Variants in DNAJC13 observed in about 807,000 individuals in gnomAD.
DNAJC13 encodes dnaJ homolog subfamily C member 13.
In DNAJC13, 75 loss-of-function variants were observed where a neutral mutation model predicts 290.5. The observed-to-expected ratio is 0.26, with a 90% confidence interval of 0.21 to 0.31. DNAJC13 has a LOEUF of 0.31. DNAJC13 is among the 10% of genes least tolerant of loss of function. DNAJC13 has a pLI of 1.00. For synonymous variants in DNAJC13, 862 were observed against 892.0 expected (o/e 0.97, Z 0.60); for missense variants, 2,260 against 2,674.5 (o/e 0.85, Z 3.42).
At position 132,446,670 on chromosome 3, in the gene DNAJC13, G is replaced by A. The variant is rs373288688; in HGVS notation, c.144+120G>A. 9.7e-5 allele frequency: 60 copies of A among 619,354 alleles called. No individual in the cohort carries two copies. The East Asian group carries it at 1.0e-3, about 11-fold the overall frequency. The allele number at this position is 619,354 out of a possible 1,614,324, so 38.4% of individuals were successfully genotyped here. ...GAAGATAGAAATGTCAAATCAGAAA[G>A]AGATTGATGTGCTTACATAATACTC... On this transcript the variant is annotated intron_variant, in intron 3 of 55. Transcript: ENST00000260818.
rs1934037043 is a variant in DNAJC13 at position 132,467,497 on chromosome 3, G to GC, written c.2208+185dup. Among the ~76,000 whole-genome samples the GC allele has an allele frequency of 3.9e-5, 6 of 152,140 alleles. No homozygotes were observed. The South Asian group carries it at 1.2e-3, about 32-fold the overall frequency. Reference sequence around the variant, plus strand: ...TTTATTTATTTTGAGACAGAGCCTTGCTCTGTTGCACAGGCTGGAGTGCAG... The same window carrying GC: ...TTTATTTATTTTGAGACAGAGCCTTGCCTCTGTTGCACAGGCTGGAGTGCAG... On this transcript the variant is annotated intron_variant, in intron 20 of 55. Transcript: ENST00000260818.
intron 51 of DNAJC13, among the ~76,000 whole-genome samples, chr3:132,524,441 C>T (rs1235047248): frequency 6.6e-6 from 1 of 152,210 alleles, no homozygotes; most frequent in Non-Finnish European, 1.5e-5. Flanking sequence ...GGCAGTACCT[C>T]ATGACTCTGC....
chr3:132,420,621 G>A, intron 1 of DNAJC13, among the ~76,000 whole-genome samples: 1 of 151,980 alleles, frequency 6.6e-6, no homozygotes, highest in Middle Eastern at 3.2e-3. Flanking sequence ...ACTAGGAAAG[G>A]AACAAGATTA....
intron 1 of DNAJC13, among the ~76,000 whole-genome samples, chr3:132,423,274 G>A (rs1183380532): frequency 6.6e-6 from 1 of 152,164 alleles, no homozygotes; most frequent in Non-Finnish European, 1.5e-5. Flanking sequence ...GGAAGACCCT[G>A]TCTCTTAAAA....
At chr3:132,486,327 A>G (rs1357995357) in intron 29 of DNAJC13, among the ~76,000 whole-genome samples, 2 of 152,058 alleles carry the variant, frequency 1.3e-5, no homozygotes, top group African/African-American at 4.8e-5. Flanking sequence ...CAACATGTGG[A>G]TAAAACACCA....
At chr3:132,507,112 A>G (rs1244415525) in intron 42 of DNAJC13, 125 bp from the exon 43 acceptor site, 6 of 592,544 alleles carry the variant, frequency 1.0e-5, no homozygotes, top group South Asian at 5.0e-5. Context: ...GTGCTGTGAC[A>G]TGTATCACAC....
chr3:132,467,225 C>G lies in DNAJC13; in HGVS notation c.2120C>G (p.Ala707Gly). ...VPEWQRLAGK[A>G]AKEVEKFAKE... is the part of the protein sequence containing the mutation. ...GAGTGGCAAAGACTAGCTGGAAAAG[C>G]TGCTAAAGAAGTTGAAAAATTTGCC... Residue 707 changes from alanine (A) to glycine (G), a missense_variant, in exon 20 of 56, where the codon GCT (alanine) becomes GGT (glycine). Ala to Gly is a moderately conservative substitution (Grantham distance 60). Around this residue, in one of 3 missense-constraint regions of DNAJC13, gnomAD observed 762 missense variants for 964.1 expected, o/e 0.79. Transcript: ENST00000260818. The G allele has an allele frequency of 6.2e-7, 1 of 1,613,706 alleles. No homozygotes were observed. The highest frequency in any genetic ancestry group is 1.3e-5 in the African/African-American group (1 of 74,992).
At chr3:132,530,112 C>G (rs528320459) in intron 54 of DNAJC13, among the ~76,000 whole-genome samples, 1 of 152,322 alleles carries the variant, frequency 6.6e-6, no homozygotes, top group East Asian at 1.9e-4. Context: ...TACAACTAAT[C>G]ACTTCCACTA....
chr3:132,442,057 C>T (rs1167646628), intron 2 of DNAJC13, among the ~76,000 whole-genome samples: 2 of 146,740 alleles, frequency 1.4e-5, no homozygotes, highest in Admixed American at 6.8e-5. Context: ...TTATAAAATA[C>T]CTTATGTAAA....
chr3:132,478,178 G>A, intron 24 of DNAJC13, 38 bp downstream of exon 24: 1 of 1,528,024 alleles, frequency 6.5e-7, no homozygotes, highest in East Asian at 2.3e-5. Flanking sequence ...ATTTGATAGT[G>A]TCACTAGGGT....
intron 50 of DNAJC13, 119 bp downstream of exon 50, chr3:132,523,318 C>T (rs1488237836): frequency 1.5e-6 from 2 of 1,291,904 alleles, no homozygotes; most frequent in Non-Finnish European, 2.2e-6. Context: ...TGGGTATTCC[C>T]CTGGAAAATA....
At chr3:132,488,183 G>A in intron 29 of DNAJC13, 115 bp from the exon 30 acceptor site, 1 of 922,604 alleles carries the variant, frequency 1.1e-6, no homozygotes, top group Non-Finnish European at 1.5e-6. Context: ...ACTCCCATGG[G>A]TTTTTATTTT....
At chr3:132,433,826 AAC>A (rs1456514137) in intron 1 of DNAJC13, among the ~76,000 whole-genome samples, 3 of 152,236 alleles carry the variant, frequency 2.0e-5, no homozygotes, top group Admixed American at 6.5e-5. Flanking sequence ...GTCCTCAAGA[AAC>A]ACAGTCCAGT....
At chr3:132,529,026 C>T (rs147794184) in intron 54 of DNAJC13, among the ~76,000 whole-genome samples, 4 of 152,164 alleles carry the variant, frequency 2.6e-5, no homozygotes, top group Admixed American at 2.6e-4. Flanking sequence ...GCATTTAGGA[C>T]ATTAACAGTG....
chr3:132,438,368 T>A (rs1192367098), intron 2 of DNAJC13, among the ~76,000 whole-genome samples: 1 of 152,206 alleles, frequency 6.6e-6, no homozygotes, highest in Admixed American at 6.5e-5. Context: ...CCAATTCTAA[T>A]CTAGGTTTAA....
intron 2 of DNAJC13, among the ~76,000 whole-genome samples, chr3:132,439,290 G>A (rs1932965591): frequency 6.6e-6 from 1 of 152,154 alleles, no homozygotes; most frequent in African/African-American, 2.4e-5. Context: ...GAAGTGCTGA[G>A]ACAAAGGGAA....
chr3:132,520,324 T>C (rs1037673651), intron 48 of DNAJC13, among the ~76,000 whole-genome samples: 5 of 152,174 alleles, frequency 3.3e-5, no homozygotes, highest in African/African-American at 7.2e-5. Context: ...GACCCCTTTT[T>C]TGCCAGCCCC....
At chr3:132,499,834 GA>G in intron 38 of DNAJC13, 26 bp downstream of exon 38, 1 of 1,599,988 alleles carries the variant, frequency 6.3e-7, no homozygotes, top group Non-Finnish European at 8.6e-7. Context: ...GTGGTTCCAA[GA>G]AAATTGCACT....
chr3:132,448,301 G>C (rs560546773), intron 5 of DNAJC13, among the ~76,000 whole-genome samples: 1 of 152,318 alleles, frequency 6.6e-6, no homozygotes, highest in South Asian at 2.1e-4. Context: ...TGGTGTAGGA[G>C]TTTCTTATTT....
Sources: gnomAD v4.1 joint callset for allele counts (sites outside exome capture counted in the v4.1 genomes callset) on GRCh38, gnomAD v4.1.1 for gene constraint, gnomAD v4.1.1 regional missense constraint, MANE v1.5 for transcripts, NCBI Gene and HGNC (gene_info 2026-07-23, HGNC 2026-07-21) for gene names.